Variants in SAXO5 observed in about 807,000 individuals in gnomAD.
SAXO5 encodes stabilizer of axonemal microtubules 5.
chr19:7,501,363 G>A, the SAXO5 span: 2 of 1,521,480 alleles, frequency 1.3e-6, no homozygotes, highest in Admixed American at 2.1e-5. Context: ...ACCCCACGAC[G>A]CGCGCCCGCA....
At chr19:7,507,225 C>T in the SAXO5 span, 2 of 1,216,612 alleles carry the variant, frequency 1.6e-6, no homozygotes, top group Admixed American at 1.9e-5. Flanking sequence ...ATGCTGTCAC[C>T]CTGTCTCAGA....
At chr19:7,504,532 C>G in the SAXO5 span, 1 of 705,538 alleles carries the variant, frequency 1.4e-6, no homozygotes, top group Non-Finnish European at 2.4e-6. Context: ...ATGGTGAAAC[C>G]CTGTCTCTAC....
At chr19:7,505,967 C>T in the SAXO5 span, 1 of 1,578,892 alleles carries the variant, frequency 6.3e-7, no homozygotes, top group Non-Finnish European at 8.6e-7. Flanking sequence ...CCTACAGCCG[C>T]CACCCCCGAC....
the SAXO5 span, chr19:7,506,737 T>C: frequency 2.8e-6 from 1 of 357,814 alleles, no homozygotes. Flanking sequence ...TCCCAGCTCC[T>C]CCCTCTTTCC....
the SAXO5 span, chr19:7,505,970 C>A: frequency 3.2e-6 from 5 of 1,583,608 alleles, no homozygotes; most frequent in Middle Eastern, 1.7e-4. Context: ...ACAGCCGCCA[C>A]CCCCGACCCA....
chr19:7,506,795 C>T, the SAXO5 span: 1 of 479,706 alleles, frequency 2.1e-6, no homozygotes, highest in Non-Finnish European at 3.8e-6. Context: ...TGGCTCCTTC[C>T]TCCTCCCCCA....
At chr19:7,500,733 A>G in the SAXO5 span, 1 of 1,201,110 alleles carries the variant, frequency 8.3e-7, no homozygotes, top group Non-Finnish European at 1.1e-6. Context: ...AGCAGAAAGG[A>G]GTCAAAAGCA....
chr19:7,504,945 C>A, the SAXO5 span, among the ~76,000 whole-genome samples: 1 of 151,884 alleles, frequency 6.6e-6, no homozygotes, highest in Admixed American at 6.6e-5. Flanking sequence ...TTGCAAGGCC[C>A]CAGATGGATC....
the SAXO5 span, among the ~76,000 whole-genome samples, chr19:7,507,744 AC>A: frequency 6.6e-6 from 1 of 151,874 alleles, no homozygotes; most frequent in Admixed American, 6.6e-5. Context: ...TTCCAGGGAC[AC>A]CCCTGGTTTC....
the SAXO5 span, chr19:7,504,152 G>A: frequency 1.9e-5 from 31 of 1,613,910 alleles, no homozygotes; most frequent in Middle Eastern, 4.9e-4. Context: ...GGGACTACAC[G>A]AGACAAGATG....
chr19:7,508,438 C>T, the SAXO5 span: 12 of 1,602,956 alleles, frequency 7.5e-6, no homozygotes, highest in Admixed American at 5.0e-5. Flanking sequence ...TAAATGCCAT[C>T]TTGGCAACAT....
At chr19:7,508,069 T>C in the SAXO5 span, 2 of 660,370 alleles carry the variant, frequency 3.0e-6, no homozygotes, top group South Asian at 1.9e-5. Flanking sequence ...GGTCAGACAC[T>C]GGCTCCGCCC....
the SAXO5 span, chr19:7,499,932 TTGTGTGTGTGTGTGTGTG>T: frequency 1.8e-5 from 2 of 108,928 alleles, no homozygotes; most frequent in Non-Finnish European, 4.2e-5. Context: ...CTTGTCTAAT[TTGTGTGTGTGTGTGTGTG>T]TGTGTGTGTG....
At chr19:7,505,250 T>C in the SAXO5 span, 1 of 1,414,176 alleles carries the variant, frequency 7.1e-7, no homozygotes. Context: ...CCCAAAGTGC[T>C]GAGATTACAG....
the SAXO5 span, among the ~76,000 whole-genome samples, chr19:7,503,725 T>C: frequency 5.3e-5 from 8 of 152,146 alleles, no homozygotes; most frequent in Non-Finnish European, 7.4e-5. Context: ...CCTCAGGTGA[T>C]CCACCTGCCT....
chr19:7,503,054 A>G, the SAXO5 span, among the ~76,000 whole-genome samples: 125 of 152,274 alleles, frequency 8.2e-4, no homozygotes, highest in African/African-American at 2.8e-3. Context: ...AACAAGAGAA[A>G]TGATACCAGG....
At chr19:7,503,888 C>A in the SAXO5 span, among the ~76,000 whole-genome samples, 1 of 152,204 alleles carries the variant, frequency 6.6e-6, no homozygotes, top group African/African-American at 2.4e-5. Context: ...TGCACTTCAG[C>A]CACCTGAATA....
the SAXO5 span, among the ~76,000 whole-genome samples, chr19:7,503,324 G>A: frequency 1.3e-5 from 2 of 151,956 alleles, no homozygotes; most frequent in Non-Finnish European, 2.9e-5. Flanking sequence ...TCAAGATTGT[G>A]CCACTGCACT....
chr19:7,502,300 C>A, the SAXO5 span, among the ~76,000 whole-genome samples: 5 of 152,056 alleles, frequency 3.3e-5, no homozygotes, highest in African/African-American at 1.2e-4. Flanking sequence ...TGTAGAGATG[C>A]AGTCTTACTA....
Sources: gnomAD v4.1 joint callset for allele counts (sites outside exome capture counted in the v4.1 genomes callset) on GRCh38, gnomAD v4.1.1 for gene constraint, MANE v1.5 for transcripts, NCBI Gene and HGNC (gene_info 2026-07-23, HGNC 2026-07-21) for gene names.